Variants in CSMD1 observed in about 807,000 individuals in gnomAD.
CSMD1 encodes CUB and Sushi multiple domains 1, also known as CUB and sushi domain-containing protein 1.
A neutral mutation model predicts 417.5 loss-of-function variants in CSMD1; 213 were observed. The observed-to-expected ratio is 0.51, with a 90% CI of 0.46 to 0.57. The LOEUF is 0.57. Ranked by LOEUF, CSMD1 falls within the 20% of genes least tolerant of loss-of-function variation. The pLI is 0.00. For synonymous variants in CSMD1, 2,862 were observed against 1,736.8 expected (o/e 1.65, Z -16.11); for missense variants, 6,923 against 4,529.7 (o/e 1.53, Z -15.17).
chr8:3,728,055 G>C (rs943708549), intron 6 of CSMD1, among the ~76,000 whole-genome samples: 4 of 152,260 alleles, frequency 2.6e-5, no homozygotes, highest in East Asian at 1.9e-4. Context: ...ACATTTGAAA[G>C]GGTTTGGCTA....
intron 25 of CSMD1, among the ~76,000 whole-genome samples, chr8:3,304,457 T>C (rs1804657792): frequency 6.6e-6 from 1 of 152,158 alleles, no homozygotes; most frequent in South Asian, 2.1e-4. Flanking sequence ...TACTAAAAAT[T>C]GCATTTATGT....
intron 7 of CSMD1, among the ~76,000 whole-genome samples, chr8:3,652,532 G>A (rs1434946904): frequency 6.6e-6 from 1 of 152,214 alleles, no homozygotes; most frequent in Non-Finnish European, 1.5e-5. Context: ...TTTCAGCATG[G>A]CTGGGGAGGC....
chr8:3,892,237 A>G (rs1807024490), intron 5 of CSMD1, among the ~76,000 whole-genome samples: 2 of 152,188 alleles, frequency 1.3e-5, no homozygotes, highest in African/African-American at 4.8e-5. Context: ...GAGGTCAAGC[A>G]TTTACTCAGA....
rs76141865 is a variant in CSMD1, at chr8:4,684,690, A to G, written c.86-47132T>C. Among the ~76,000 whole-genome samples, 26 of 152,326 alleles carry G rather than the reference A, an allele frequency of 1.7e-4. No homozygotes were observed. The East Asian group carries it at 4.4e-3, about 26-fold the overall frequency. ...AAATAATACATGTGAAACATCATAC[A>G]TACGCTTTCCCTGTCTCAGGGAATG... On this transcript the variant is annotated intron_variant, in intron 1 of 69. Transcript: ENST00000635120.
intron 3 of CSMD1, among the ~76,000 whole-genome samples, chr8:4,161,516 C>G (rs563091266): frequency 1.3e-5 from 2 of 152,252 alleles, no homozygotes; most frequent in African/African-American, 4.8e-5. Context: ...TGAACCCAAG[C>G]TGAACACGCA....
chr8:3,214,540 A>G lies in CSMD1; in HGVS notation c.4824T>C (p.Ala1608=), dbSNP rs2116818018. The G allele has an allele frequency of 6.2e-7, 1 of 1,600,460 alleles. No individual in the cohort carries two copies. Among genetic ancestry groups the G allele is most frequent in the South Asian group, 1.1e-5 (1 of 87,962 alleles). The part of the protein sequence containing the change: ...DPSSITCVIG[A]DGKPSWDQVL... ...CTTGGTCCCAGGAGGGTTTCCCATC[A>G]GCCCCAATCACACAGGTGATGGATG... The change falls in exon 30 of 70, where the codon GCT becomes GCC. Residue 1608 remains alanine (A), a synonymous_variant. Transcript: ENST00000635120.
intron 3 of CSMD1, among the ~76,000 whole-genome samples, chr8:4,098,109 A>T (rs1039460943): frequency 1.3e-5 from 2 of 152,214 alleles, no homozygotes; most frequent in Non-Finnish European, 2.9e-5. Flanking sequence ...GGCTGAATTA[A>T]GATGATCTTT....
At chr8:4,915,453 C>G in intron 1 of CSMD1, among the ~76,000 whole-genome samples, 1 of 152,172 alleles carries the variant, frequency 6.6e-6, no homozygotes, top group East Asian at 1.9e-4. Flanking sequence ...CACATATCTG[C>G]GTACAATCTT....
At chr8:3,627,194 T>C (rs77856028) in intron 7 of CSMD1, among the ~76,000 whole-genome samples, 4,048 of 152,294 alleles carry the variant, frequency 0.027, 83 homozygotes, top group Middle Eastern at 0.078. Flanking sequence ...GCTATTCAGA[T>C]ATTTTGCAGA....
chr8:3,751,437 T>C (rs1203558977), intron 6 of CSMD1, among the ~76,000 whole-genome samples: 1 of 148,028 alleles, frequency 6.8e-6, no homozygotes, highest in Non-Finnish European at 1.5e-5. Context: ...TACATACAGT[T>C]TATACATATA....
chr8:3,691,123 T>G (rs1202079425), intron 7 of CSMD1, among the ~76,000 whole-genome samples: 1 of 151,966 alleles, frequency 6.6e-6, no homozygotes, highest in East Asian at 1.9e-4. Flanking sequence ...CCCCAGCACT[T>G]TGGGAGGCCG....
At chr8:3,104,965 C>T (rs977417134) in intron 46 of CSMD1, among the ~76,000 whole-genome samples, 2 of 152,194 alleles carry the variant, frequency 1.3e-5, no homozygotes, top group South Asian at 4.1e-4. Context: ...CTCGGCCTCA[C>T]AGAATGCTGG....
chr8:4,391,637 G>A lies in CSMD1; in HGVS notation c.415+28316C>T, dbSNP rs370950947. 1.2e-4 allele frequency among the ~76,000 whole-genome samples: 18 copies of A among 152,108 alleles called. No individual in the cohort carries two copies. In the South Asian group the frequency reaches 3.3e-3, roughly 28 times the overall value. On this transcript the variant is annotated intron_variant, in intron 3 of 69. Coordinates refer to ENST00000635120, the MANE Select transcript of CSMD1 (RefSeq NM_033225.6). ...CCAAGCAGAGGAAGTGAAATACACTGCTGGGTTGACTGGTGAGAAGTGGGA... is the reference window on the plus strand; with the variant it reads ...CCAAGCAGAGGAAGTGAAATACACTACTGGGTTGACTGGTGAGAAGTGGGA...
chr8:3,999,708 A>G (rs1211426431), intron 4 of CSMD1, among the ~76,000 whole-genome samples: 1 of 152,120 alleles, frequency 6.6e-6, no homozygotes, highest in Non-Finnish European at 1.5e-5. Flanking sequence ...TATGTCAACT[A>G]ATGCTAATGG....
At chr8:4,179,873 A>G (rs976716236) in intron 3 of CSMD1, among the ~76,000 whole-genome samples, 3 of 152,192 alleles carry the variant, frequency 2.0e-5, no homozygotes, top group African/African-American at 7.2e-5. Context: ...CAAAACCACA[A>G]TGAGATACCA....
intron 52 of CSMD1, among the ~76,000 whole-genome samples, chr8:3,009,565 A>T (rs1808222201): frequency 6.6e-6 from 1 of 152,204 alleles, no homozygotes; most frequent in Non-Finnish European, 1.5e-5. Context: ...AACTATTATT[A>T]GCAGTACACT....
intron 3 of CSMD1, among the ~76,000 whole-genome samples, chr8:4,121,992 T>C (rs1228696194): frequency 6.6e-6 from 1 of 152,044 alleles, no homozygotes; most frequent in Non-Finnish European, 1.5e-5. Context: ...TTTACTAAAA[T>C]ATTTTTAATC....
chr8:4,435,106 T>TA (rs1195842191), intron 2 of CSMD1, among the ~76,000 whole-genome samples: 1 of 152,172 alleles, frequency 6.6e-6, no homozygotes. Flanking sequence ...CAGTAGATGC[T>TA]AAAAATAAGG....
intron 1 of CSMD1, among the ~76,000 whole-genome samples, chr8:4,742,218 G>C (rs890406777): frequency 2.7e-5 from 4 of 150,780 alleles, no homozygotes; most frequent in East Asian, 2.0e-4. Flanking sequence ...TTTTAGTAGA[G>C]ACGGGGTTTC....
Sources: gnomAD v4.1 joint callset for allele counts (sites outside exome capture counted in the v4.1 genomes callset) on GRCh38, gnomAD v4.1.1 for gene constraint, MANE v1.5 for transcripts, NCBI Gene and HGNC (gene_info 2026-07-23, HGNC 2026-07-21) for gene names.